The following STK11 variants were observed in gnomAD, a reference collection of about 807,000 sequenced individuals.
STK11 encodes serine/threonine kinase 11, also known as serine/threonine-protein kinase STK11.
A neutral mutation model predicts 47.3 loss-of-function variants in STK11; 8 were observed. That is an observed-to-expected ratio of 0.17 (90% confidence interval 0.10 to 0.31). The LOEUF (loss-of-function observed/expected upper bound fraction) is 0.31, where lower values mean the gene tolerates loss of function less well. Among genes scored for constraint, STK11 ranks in the 10% least tolerant of loss-of-function variants. STK11 has a pLI of 1.00. For synonymous variants in STK11, 330 were observed against 255.8 expected, an observed-to-expected ratio of 1.29 and a Z score of -2.77; for missense variants, 475 against 605.0, an observed-to-expected ratio of 0.79 and a Z score of 2.25.
chr19:1,209,656 C>T (rs1438427231), intron 1 of STK11, among the ~76,000 whole-genome samples: 1 of 151,884 alleles, frequency 6.6e-6, no homozygotes, highest in East Asian at 1.9e-4. Context: ...AATGTATATG[C>T]AGGGTCAATG....
rs1233257410 is a variant in STK11 at position 1,228,059 on chromosome 19, C to A, written c.*483C>A. 4 of 835,994 alleles carry A rather than the reference C, an allele frequency of 4.8e-6. No homozygotes were observed. Among genetic ancestry groups the A allele is most frequent in the African/African-American group, 1.8e-5 (1 of 54,244 alleles). 51.8% of individuals were successfully genotyped at this position (835,994 alleles called of 1,614,324 possible). Reference sequence around the variant, plus strand: ...TTGGTTGGTTCCATTTTCTTTTTTTCTTTTTTTTTTTAAGAAAAAATAAAA... The same window carrying A: ...TTGGTTGGTTCCATTTTCTTTTTTTATTTTTTTTTTTAAGAAAAAATAAAA... On this transcript the variant is annotated 3_prime_UTR_variant, in exon 10 of 10. Transcript: ENST00000326873.
intron 8 of STK11, chr19:1,223,884 G>C: frequency 9.8e-7 from 1 of 1,017,968 alleles, no homozygotes; most frequent in East Asian, 6.6e-5. Flanking sequence ...TATCTGCAGG[G>C]TGGATGCTTG....
intron 8 of STK11, 162 bp from the exon 9 acceptor site, chr19:1,226,292 G>T: frequency 6.9e-7 from 1 of 1,448,734 alleles, no homozygotes; most frequent in Non-Finnish European, 9.1e-7. Flanking sequence ...CAGAGCTGCT[G>T]GGGGGCAGCA....
intron 8 of STK11, chr19:1,225,342 G>C (rs1019340661): frequency 4.2e-6 from 4 of 946,826 alleles, no homozygotes; most frequent in African/African-American, 1.8e-5. Context: ...GTGCGATCTC[G>C]GCTCACTGCA....
chr19:1,207,914 C>T (rs2080679521), intron 1 of STK11, among the ~76,000 whole-genome samples: 2 of 152,212 alleles, frequency 1.3e-5, no homozygotes. Context: ...GCCTCTGCAT[C>T]TGTGCGCGGA....
chr19:1,219,663 A>G (rs1434614328), intron 3 of STK11, among the ~76,000 whole-genome samples: 1 of 151,812 alleles, frequency 6.6e-6, no homozygotes, highest in Non-Finnish European at 1.5e-5. Context: ...CTTCTGCCTC[A>G]GCTTCCCGAG....
Position 1,206,597 on chromosome 19 carries a change from G to C in STK11, c.-317G>C, listed in dbSNP as rs139547716. The C allele has an allele frequency of 2.2e-6, 1 of 456,428 alleles. No homozygotes were observed. Among genetic ancestry groups the C allele is most frequent in the Non-Finnish European group, 3.9e-6 (1 of 255,828 alleles). The allele number at this position is 456,428 out of a possible 1,614,324, so 28.3% of individuals were successfully genotyped here. A position where few individuals can be genotyped will look rare whatever the true frequency, so the allele number is the denominator to read the frequency against. On this transcript the variant is annotated 5_prime_UTR_variant, in exon 1 of 10. Coordinates refer to ENST00000326873, the MANE Select transcript of STK11 (RefSeq NM_000455.5). ...CCTCCCCAGGGTCCCCGAGGACGAA[G>C]TTGACCCTGACCGGGCCGTCTCCCA...
rs548449650 is a variant in STK11 at position 1,224,418 on chromosome 19, C to G, written c.1108+1246C>G. ...GTGGGGGCCCCTCATGGTGCCCATC[C>G]TTGGGGCCTGGCTGCAATTTGACCC... On this transcript the variant is annotated intron_variant, in intron 8 of 9. Coordinates refer to ENST00000326873, the MANE Select transcript of STK11 (RefSeq NM_000455.5). The G allele has an allele frequency of 8.1e-6, 8 of 985,454 alleles. No individual in the cohort carries two copies. The East Asian group carries it at 7.9e-4, about 98-fold the overall frequency. 61.0% of individuals were successfully genotyped at this position (985,454 alleles called of 1,614,324 possible).
At chr19:1,212,990 C>CTTTTTTTTTTTT (rs35169539) in intron 1 of STK11, among the ~76,000 whole-genome samples, 1 of 94,752 alleles carries the variant, frequency 1.1e-5, no homozygotes, top group Middle Eastern at 8.3e-3. Context: ...TAAAGTTCAC[C>CTTTTTTTTTTTT]TTTTTTTTTT....
chr19:1,216,369 C>T, intron 1 of STK11: 1 of 171,382 alleles, frequency 5.8e-6, no homozygotes, highest in Non-Finnish European at 1.3e-5. Flanking sequence ...CTCACGAGAG[C>T]AAGAGATCCA....
Position 1,211,461 on chromosome 19 carries a change from G to T in STK11, c.290+4258G>T, listed in dbSNP as rs1005244319. Among the ~76,000 whole-genome samples the T allele has an allele frequency of 0.024, 75 of 3,184 alleles. 1 individual carries two copies. In the African/African-American group the frequency reaches 0.29, roughly 12 times the overall value. 2.1% of individuals were successfully genotyped at this position (3,184 alleles called of 152,430 possible). A position where few individuals can be genotyped will look rare whatever the true frequency, so the allele number is the denominator to read the frequency against. ...GCTGCGGAGCCCACAGTGGGGTTCTGGGGGGGGGGGTGCAGGCAGAAGGCC... is the reference window on the plus strand; with the variant it reads ...GCTGCGGAGCCCACAGTGGGGTTCTTGGGGGGGGGGTGCAGGCAGAAGGCC... On this transcript the variant is annotated intron_variant, in intron 1 of 9. Coordinates refer to ENST00000326873, the MANE Select transcript of STK11 (RefSeq NM_000455.5).
Position 1,222,896 on chromosome 19 carries a change from AG to A in STK11, c.921-87del. ...TGGTCCCAGCTCCTGAGTGTGTGGC[AG>A]GTACCCTGGGCCCAGAGGAGCTGGG... On this transcript the variant is annotated intron_variant, in intron 7 of 9. Transcript: ENST00000326873. The A allele has an allele frequency of 2.1e-6, 3 of 1,403,288 alleles. No homozygotes were observed. The South Asian group carries it at 4.2e-5, about 20-fold the overall frequency. 86.9% of individuals were successfully genotyped at this position (1,403,288 alleles called of 1,614,324 possible).
intron 7 of STK11, among the ~76,000 whole-genome samples, chr19:1,222,728 G>A (rs2080793815): frequency 6.6e-6 from 1 of 152,202 alleles, no homozygotes; most frequent in Non-Finnish European, 1.5e-5. Context: ...GCATCCATCT[G>A]GTGGGTGCTG....
At chr19:1,207,273 C>T (rs1056349394) in intron 1 of STK11, 70 bp downstream of exon 1, 4 of 1,512,014 alleles carry the variant, frequency 2.6e-6, no homozygotes, top group South Asian at 1.3e-5. Flanking sequence ...GTCTTCCTTC[C>T]TTCTCTCCTC....
At chr19:1,207,407 T>C (rs1366307346) in intron 1 of STK11, among the ~76,000 whole-genome samples, 1 of 152,186 alleles carries the variant, frequency 6.6e-6, no homozygotes, top group Non-Finnish European at 1.5e-5. Context: ...AGGCCAGTTG[T>C]CGCAGCGGGG....
Position 1,227,796 on chromosome 19 carries a change from T to C in STK11, c.*220T>C. The C allele has an allele frequency of 9.3e-7, 1 of 1,073,922 alleles. No individual in the cohort carries two copies. The highest frequency in any genetic ancestry group is 1.1e-6 in the Non-Finnish European group (1 of 884,632). 66.5% of individuals were successfully genotyped at this position (1,073,922 alleles called of 1,614,324 possible). A position where few individuals can be genotyped will look rare whatever the true frequency, so the allele number is the denominator to read the frequency against. On this transcript the variant is annotated 3_prime_UTR_variant, in exon 10 of 10. Coordinates refer to ENST00000326873, the MANE Select transcript of STK11 (RefSeq NM_000455.5). ...TCGGCCGCCCGGCAGTGCACGCGGC[T>C]TGTTGACTTCGCAGCCCCGGGCGGA...
At position 1,223,874 on chromosome 19, in the gene STK11, T is replaced by A. The variant is rs1409170121; in HGVS notation, c.1108+702T>A. 2.9e-6 allele frequency: 3 copies of A among 1,018,868 alleles called. No homozygotes were observed. In the African/African-American group the frequency reaches 5.1e-5, roughly 17 times the overall value. 63.1% of individuals were successfully genotyped at this position (1,018,868 alleles called of 1,614,324 possible). ...CCGTGTCATAAAGAGTTTTGCAGTG[T>A]ATCTGCAGGGTGGATGCTTGCTGCG... is the stretch of plus-strand genomic sequence containing the variant. On this transcript the variant is annotated intron_variant, in intron 8 of 9. Transcript: ENST00000326873.
At chr19:1,223,567 C>T in intron 8 of STK11, 1 of 1,070,126 alleles carries the variant, frequency 9.3e-7, no homozygotes, top group Non-Finnish European at 1.1e-6. Context: ...AGAGAGGGTC[C>T]AGTGGCCCTC....
intron 3 of STK11, 115 bp downstream of exon 3, chr19:1,219,528 G>A (rs1206877058): frequency 1.1e-6 from 1 of 903,168 alleles, no homozygotes; most frequent in Non-Finnish European, 1.6e-6. Context: ...GAAGGCCCAA[G>A]TTTTTTTGTT....
Sources: gnomAD v4.1 joint callset for allele counts (sites outside exome capture counted in the v4.1 genomes callset) on GRCh38, gnomAD v4.1.1 for gene constraint, MANE v1.5 for transcripts, NCBI Gene and HGNC (gene_info 2026-07-23, HGNC 2026-07-21) for gene names.